Variants in MLLT1 observed in about 807,000 individuals in gnomAD.
MLLT1 encodes the protein protein ENL.
In MLLT1, 11 loss-of-function variants were observed where a neutral mutation model predicts 55.1. That is an observed-to-expected ratio of 0.20 (90% CI 0.13 to 0.33). The LOEUF is 0.33. Among genes scored for constraint, MLLT1 ranks in the 10% least tolerant of loss-of-function variants. The pLI, the probability that MLLT1 is intolerant of heterozygous loss-of-function variation, is 1.00. For synonymous variants in MLLT1, 323 were observed against 320.1 expected (o/e 1.01, Z -0.10); for missense variants, 536 against 760.6 (o/e 0.70, Z 3.47).
In MLLT1 at chr19:6,273,662, A is replaced by AC. The variant is rs1326188960; in HGVS notation, c.13-2904dup. 6.6e-6 allele frequency among the ~76,000 whole-genome samples: 1 copy of AC among 152,078 alleles called. No homozygotes were observed. The highest frequency in any genetic ancestry group is 6.5e-5 in the Admixed American group (1 of 15,276). On this transcript the variant is annotated intron_variant, in intron 1 of 11. Transcript: ENST00000252674. This position sits in a 1 kb window ranked among gnomAD's most constrained non-coding sequence, Gnocchi z 4.3. Reference sequence around the variant, plus strand: ...TTTTTCGCTAGAAAACAGGAAGGCAACCCCTGTCCCGCTGGGAGCATTACA... The same window carrying AC: ...TTTTTCGCTAGAAAACAGGAAGGCAACCCCCTGTCCCGCTGGGAGCATTACA...
chr19:6,262,432 G>C lies in MLLT1; in HGVS notation c.194-122C>G. 1 of 750,416 alleles carries C rather than the reference G, an allele frequency of 1.3e-6. No homozygotes were observed. The highest frequency in any genetic ancestry group is 2.2e-6 in the Non-Finnish European group (1 of 459,646). The allele number at this position is 750,416 out of a possible 1,614,324, so 46.5% of individuals were successfully genotyped here. ...TCACAGGGGCTTGGCTGGCCTCTCG[G>C]GGGTGGCTTTTCAGGAGGTTAAGCC... On this transcript the variant is annotated intron_variant, in intron 2 of 11. Transcript: ENST00000252674. This position sits in a 1 kb window ranked among gnomAD's most constrained non-coding sequence, Gnocchi z 4.4.
chr19:6,231,799 C>T lies in MLLT1; in HGVS notation c.277-1086G>A, dbSNP rs958188019. On this transcript the variant is annotated intron_variant, in intron 3 of 11. Coordinates refer to ENST00000252674, the MANE Select transcript of MLLT1 (RefSeq NM_005934.4). This position sits in a 1 kb window ranked among gnomAD's most constrained non-coding sequence, Gnocchi z 5.1. ...TACAGGTGTGAGCCACCGCGCCCAG[C>T]TGAAGCAAGACAATTTCATCTGCTT... Among the ~76,000 whole-genome samples the T allele has an allele frequency of 1.3e-5, 2 of 152,116 alleles. No individual in the cohort carries two copies. Among genetic ancestry groups the T allele is most frequent in the African/African-American group, 4.8e-5 (2 of 41,434 alleles).
chr19:6,270,541 G>C lies in MLLT1; in HGVS notation c.193+38C>G, dbSNP rs753566659. ...CCTTGGGAGGAGTGAAGACAGATGG[G>C]TCCGTGCTGTGGGCACTCAGGGCTT... On this transcript the variant is annotated intron_variant, in intron 2 of 11. Transcript: ENST00000252674. The surrounding 1 kb of genome is among the most constrained non-coding windows in gnomAD (Gnocchi z 7.1). The C allele has an allele frequency of 1.3e-6, 2 of 1,583,014 alleles. No individual in the cohort carries two copies. Among genetic ancestry groups the C allele is most frequent in the Non-Finnish European group, 1.7e-6 (2 of 1,164,800 alleles).
chr19:6,242,167 G>A (rs1053999113), intron 3 of MLLT1, among the ~76,000 whole-genome samples: 3 of 152,172 alleles, frequency 2.0e-5, no homozygotes, highest in African/African-American at 7.2e-5. Context: ...GCGCACGCAG[G>A]GGCAGCCCAA....
intron 1 of MLLT1, among the ~76,000 whole-genome samples, chr19:6,276,059 G>A (rs919935134): frequency 1.3e-5 from 2 of 152,216 alleles, no homozygotes; most frequent in Non-Finnish European, 2.9e-5. Flanking sequence ...CTAGTTACTT[G>A]TATTTAACCA....
At position 6,215,718 on chromosome 19, in the gene MLLT1, G is replaced by C. The variant is rs369880534; in HGVS notation, c.1307+687C>G. Among the ~76,000 whole-genome samples the C allele has an allele frequency of 3.3e-5, 5 of 152,316 alleles. No homozygotes were observed. In the East Asian group the frequency reaches 9.7e-4, roughly 29 times the overall value. On this transcript the variant is annotated intron_variant, in intron 8 of 11. Transcript: ENST00000252674. ...TGAGGCCTGGAGGCCTCAGCCTCAC[G>C]GGAGGAGGGGCTGACTGCCGGCTCT...
rs1269206986 is a variant in MLLT1 at position 6,211,383 on chromosome 19, G to GA, written c.*1658dup. The GA allele has an allele frequency of 8.4e-6, 2 of 236,802 alleles. No homozygotes were observed. Among genetic ancestry groups the GA allele is most frequent in the Non-Finnish European group, 1.6e-5 (2 of 121,516 alleles). The allele number at this position is 236,802 out of a possible 1,614,324, so 14.7% of individuals were successfully genotyped here. On this transcript the variant is annotated 3_prime_UTR_variant, in exon 12 of 12. Coordinates refer to ENST00000252674, the MANE Select transcript of MLLT1 (RefSeq NM_005934.4). The surrounding 1 kb of genome is among the most constrained non-coding windows in gnomAD (Gnocchi z 4.6). ...TCCGAAGGTTCTCGGGCCTTTCCCCGAGAGTTCTGGGGAGTTTCCCCAGGA... is the reference window on the plus strand; with the variant it reads ...TCCGAAGGTTCTCGGGCCTTTCCCCGAAGAGTTCTGGGGAGTTTCCCCAGGA...
intron 4 of MLLT1, among the ~76,000 whole-genome samples, chr19:6,228,509 ACACGGTC>A (rs1444980274): frequency 6.6e-6 from 1 of 152,056 alleles, no homozygotes; most frequent in Admixed American, 6.6e-5. Context: ...CAGAGACAAG[ACACGGTC>A]CTAAGGGGCA....
chr19:6,230,757 T>C lies in MLLT1; in HGVS notation c.277-44A>G, dbSNP rs776085318. The C allele has an allele frequency of 3.6e-5, 58 of 1,609,710 alleles. No individual in the cohort carries two copies. The Admixed American group carries it at 9.4e-4, about 26-fold the overall frequency. ...GAAAGTCTGCATCAGAGGGTGGCCG[T>C]GGTGCAGGGACACAGCTCCCCATTG... On this transcript the variant is annotated intron_variant, in intron 3 of 11. Coordinates refer to ENST00000252674, the MANE Select transcript of MLLT1 (RefSeq NM_005934.4). The surrounding 1 kb of genome is among the most constrained non-coding windows in gnomAD (Gnocchi z 9.0).
chr19:6,267,004 C>T (rs1212851494), intron 2 of MLLT1, among the ~76,000 whole-genome samples: 1 of 152,134 alleles, frequency 6.6e-6, no homozygotes, highest in Non-Finnish European at 1.5e-5. Context: ...GCGGCTGACA[C>T]CTGTAAACTC....
At chr19:6,242,549 C>A (rs889002634) in intron 3 of MLLT1, among the ~76,000 whole-genome samples, 3 of 151,846 alleles carry the variant, frequency 2.0e-5, no homozygotes, top group Non-Finnish European at 4.4e-5. Flanking sequence ...AAATAAACTT[C>A]TTTTTCACAC....
In MLLT1 at chr19:6,231,848, C is replaced by T. The variant is rs1382058908; in HGVS notation, c.277-1135G>A. 6.6e-6 allele frequency among the ~76,000 whole-genome samples: 1 copy of T among 152,140 alleles called. No homozygotes were observed. The highest frequency in any genetic ancestry group is 1.5e-5 in the Non-Finnish European group (1 of 68,022). ...TTTTCCTTAAGAACCCTGCCCCATC[C>T]CAAATGATGTAAGCCACAGGTCCCA... On this transcript the variant is annotated intron_variant, in intron 3 of 11. Coordinates refer to ENST00000252674, the MANE Select transcript of MLLT1 (RefSeq NM_005934.4). The surrounding 1 kb of genome is among the most constrained non-coding windows in gnomAD (Gnocchi z 5.1).
At chr19:6,215,326 T>A (rs1202153008) in intron 8 of MLLT1, among the ~76,000 whole-genome samples, 1 of 152,200 alleles carries the variant, frequency 6.6e-6, no homozygotes, top group East Asian at 1.9e-4. Flanking sequence ...TCACGGCTCT[T>A]GGCGCAAGCA....
chr19:6,223,425 C>T (rs991195939), intron 5 of MLLT1, among the ~76,000 whole-genome samples: 6 of 152,182 alleles, frequency 3.9e-5, no homozygotes, highest in Non-Finnish European at 8.8e-5. Context: ...GAGCTGGACT[C>T]GGGGGCTGAT....
intron 2 of MLLT1, among the ~76,000 whole-genome samples, chr19:6,264,489 C>T (rs1011259078): frequency 2.0e-5 from 3 of 151,248 alleles, no homozygotes; most frequent in Admixed American, 2.0e-4. Context: ...CCCGAGCAAA[C>T]AAATAATTTG....
chr19:6,260,831 G>A (rs751739931), intron 3 of MLLT1, among the ~76,000 whole-genome samples: 1 of 152,230 alleles, frequency 6.6e-6, no homozygotes, highest in South Asian at 2.1e-4. Context: ...GGGCAAAAGA[G>A]CAAGACCTTG....
At chr19:6,214,838 A>C (rs2090823198) in intron 8 of MLLT1, among the ~76,000 whole-genome samples, 1 of 152,120 alleles carries the variant, frequency 6.6e-6, no homozygotes, top group Non-Finnish European at 1.5e-5. Flanking sequence ...AAGCGGCTCG[A>C]GCACACCGGA....
At chr19:6,260,343 G>A (rs2091293774) in intron 3 of MLLT1, among the ~76,000 whole-genome samples, 1 of 152,192 alleles carries the variant, frequency 6.6e-6, no homozygotes, top group Admixed American at 6.5e-5. Flanking sequence ...AGACTCAGTT[G>A]AGTGCTGCAG....
chr19:6,221,648 G>T (rs1168460635), intron 6 of MLLT1, among the ~76,000 whole-genome samples: 6 of 152,206 alleles, frequency 3.9e-5, no homozygotes, highest in Admixed American at 1.3e-4. Context: ...GCTCCTCATG[G>T]CTAGGGGCTG....
Sources: allele counts gnomAD v4.1 joint callset (sites outside exome capture counted in the v4.1 genomes callset), GRCh38; gene constraint gnomAD v4.1.1; non-coding constraint Gnocchi (gnomAD v3.1); transcripts MANE v1.5; gene names NCBI Gene and HGNC (gene_info 2026-07-23, HGNC 2026-07-21).